LAD1: variants seen among roughly 807,000 people sequenced by gnomAD.
LAD1 encodes the protein ladinin 1, also known as ladinin-1.
Under a neutral mutation model 54.2 loss-of-function variants are expected in LAD1, and 53 were observed. The observed-to-expected ratio is 0.98, with a 90% CI of 0.78 to 1.23. The LOEUF (loss-of-function observed/expected upper bound fraction) is 1.23. Among genes scored for constraint, LAD1 ranks in the 50% most tolerant of loss-of-function variants. The pLI is 0.00. For missense variants in LAD1, 637 were observed against 653.3 expected (o/e 0.98, Z 0.27); for synonymous variants, 231 against 257.7 (o/e 0.90, Z 0.99).
chr1:201,385,630 G>T, intron 4 of LAD1, 71 bp downstream of exon 4: 3 of 1,131,202 alleles, frequency 2.7e-6, no homozygotes, highest in Non-Finnish European at 4.1e-6. Context: ...CGGCTCCTAT[G>T]TTGTAATGGA....
intron 3 of LAD1, 129 bp downstream of exon 3, chr1:201,386,206 C>T (rs1174383216): frequency 2.1e-6 from 2 of 971,176 alleles, no homozygotes; most frequent in Non-Finnish European, 2.8e-6. Flanking sequence ...AAAGAAGAGA[C>T]TTCCAAGGCC....
intron 1 of LAD1, chr1:201,391,275 C>A (rs960688558): frequency 5.0e-6 from 2 of 401,708 alleles, no homozygotes; most frequent in East Asian, 1.4e-4. Context: ...CTGCCCCAGT[C>A]ACCCTTCATT....
chr1:201,389,205 G>C lies in LAD1; in HGVS notation c.137C>G (p.Pro46Arg). The C allele has an allele frequency of 1.2e-6, 2 of 1,614,220 alleles. No individual in the cohort carries two copies. The highest frequency in any genetic ancestry group is 1.7e-6 in the Non-Finnish European group (2 of 1,180,042). Residue 46 changes from proline (P) to arginine (R), a missense_variant, in exon 2 of 10, where the codon CCC becomes CGC. Pro to Arg is a moderately radical substitution (Grantham distance 103). Coordinates refer to ENST00000391967, the MANE Select transcript of LAD1 (RefSeq NM_005558.4). ...CCGGTCTCCATTCTGGCTGAGCCTG[G>C]GAGCCTCATCGTCCGTGGTGGAGCT... ...NLSSTTDDEA[P>R]RLSQNGDRQA...
chr1:201,398,809 CCCCT>C (rs1662346198), intron 1 of LAD1, among the ~76,000 whole-genome samples: 1 of 152,216 alleles, frequency 6.6e-6, no homozygotes, highest in East Asian at 1.9e-4. Flanking sequence ...TCTTCACTGA[CCCCT>C]CCAAGACGGC....
chr1:201,383,992 T>A (rs1169395497), intron 5 of LAD1, among the ~76,000 whole-genome samples: 1 of 152,228 alleles, frequency 6.6e-6, no homozygotes, highest in Admixed American at 6.5e-5. Flanking sequence ...AATTGCTCCA[T>A]GACACCTTCC....
At position 201,384,824 on chromosome 1, in the gene LAD1, C is replaced by T; in HGVS notation, c.1143G>A (p.Lys381=). The part of the protein sequence containing the change: ...PRTISFRMKP[K]KENSETTLTR... Reference sequence around the variant, plus strand: ...TTAGGGTTGTTTCCGAGTTTTCTTTCTTGGGTTTCATCTGAAATGAGAAGG... The same window carrying T: ...TTAGGGTTGTTTCCGAGTTTTCTTTTTTGGGTTTCATCTGAAATGAGAAGG... Residue 381 remains lysine, a synonymous_variant, in exon 5 of 10, where the codon AAG becomes AAA. Transcript: ENST00000391967. The T allele has an allele frequency of 6.2e-7, 1 of 1,614,034 alleles. No homozygotes were observed. Among genetic ancestry groups the T allele is most frequent in the Non-Finnish European group, 8.5e-7 (1 of 1,180,030 alleles).
chr1:201,391,091 T>C (rs932232331), intron 1 of LAD1: 3 of 456,306 alleles, frequency 6.6e-6, no homozygotes, highest in Non-Finnish European at 1.3e-5. Flanking sequence ...TGGAAAAAAC[T>C]CCAATATCGC....
chr1:201,390,007 C>A lies in LAD1; in HGVS notation c.39-704G>T, dbSNP rs142197687. Among the ~76,000 whole-genome samples the A allele has an allele frequency of 4.4e-3, 669 of 151,944 alleles. 5 individuals carry two copies. Among genetic ancestry groups the A allele is most frequent in the African/African-American group, 0.015 (633 of 41,486 alleles). On this transcript the variant is annotated intron_variant, in intron 1 of 9. Transcript: ENST00000391967. Reference sequence around the variant, plus strand: ...CAATCACAGCTCACTGCAGCCCCAACCTCCCAGGCTCAAGTGATCCTCCCA... The same window carrying A: ...CAATCACAGCTCACTGCAGCCCCAAACTCCCAGGCTCAAGTGATCCTCCCA...
In LAD1 at chr1:201,381,805, G is replaced by A. The variant is rs1661966179; in HGVS notation, c.*83C>T. On this transcript the variant is annotated 3_prime_UTR_variant, in exon 10 of 10. Transcript: ENST00000391967. ...AGGGAACAGGGACAATGAGAGGAAA[G>A]GGTGCTGCTGTGAGAGGCAGGGGCC... The A allele has an allele frequency of 1.4e-6, 2 of 1,404,748 alleles. No individual in the cohort carries two copies. Among genetic ancestry groups the A allele is most frequent in the Admixed American group, 3.3e-5 (2 of 59,716 alleles). The allele number at this position is 1,404,748 out of a possible 1,614,324, so 87.0% of individuals were successfully genotyped here.
Position 201,381,586 on chromosome 1 carries a change from G to A in LAD1, c.*302C>T, listed in dbSNP as rs1661960242. Reference sequence around the variant, plus strand: ...AGCAGGAAGGAGCAGAGGTCTCTGGGCAGGACATAGGCCCCATAGTGCTGA... The same window carrying A: ...AGCAGGAAGGAGCAGAGGTCTCTGGACAGGACATAGGCCCCATAGTGCTGA... On this transcript the variant is annotated 3_prime_UTR_variant, in exon 10 of 10. Coordinates refer to ENST00000391967, the MANE Select transcript of LAD1 (RefSeq NM_005558.4). 6 of 494,730 alleles carry A rather than the reference G, an allele frequency of 1.2e-5. No homozygotes were observed. The highest frequency in any genetic ancestry group is 1.8e-5 in the Non-Finnish European group (5 of 271,422). The allele number at this position is 494,730 out of a possible 1,614,324, so 30.6% of individuals were successfully genotyped here. A position where few individuals can be genotyped will look rare whatever the true frequency, so the allele number is the denominator to read the frequency against.
At chr1:201,398,985 A>G (rs1007455734) in intron 1 of LAD1, among the ~76,000 whole-genome samples, 2 of 152,006 alleles carry the variant, frequency 1.3e-5, no homozygotes, top group Admixed American at 1.3e-4. Context: ...TCCTGCTTCC[A>G]CCTTCCACAG....
intron 4 of LAD1, 49 bp from the exon 5 acceptor site, chr1:201,384,884 G>A (rs538260459): frequency 1.2e-5 from 19 of 1,595,202 alleles, no homozygotes; most frequent in Middle Eastern, 2.0e-4. Context: ...CCGGGAAATC[G>A]GTGGCCCCCT....
Position 201,382,324 on chromosome 1 carries a change from C to T in LAD1, c.1476G>A (p.Glu492=), listed in dbSNP as rs201418734. 2.7e-5 allele frequency: 43 copies of T among 1,612,990 alleles called. No individual in the cohort carries two copies. In the East Asian group the frequency reaches 9.1e-4, roughly 34 times the overall value. The change falls in exon 9 of 10, where the codon GAG becomes GAA. Residue 492 remains glutamate, a splice_region_variant and synonymous_variant. Coordinates refer to ENST00000391967, the MANE Select transcript of LAD1 (RefSeq NM_005558.4). The part of the protein sequence containing the change: ...TQESGDQDPQ[E]AQKASSATER... ...CGGTTGCAGATGATGCTTTCTGTGCCTCCTGATTGAGGGTATCAGGGTGGA... is the reference window on the plus strand; with the variant it reads ...CGGTTGCAGATGATGCTTTCTGTGCTTCCTGATTGAGGGTATCAGGGTGGA...
chr1:201,392,310 TG>T (rs1179201747), intron 1 of LAD1, among the ~76,000 whole-genome samples: 1 of 152,224 alleles, frequency 6.6e-6, no homozygotes. Context: ...TGGGAACAGC[TG>T]GGAATGAGAC....
chr1:201,383,693 C>CA (rs1202921803), intron 5 of LAD1: 1 of 415,360 alleles, frequency 2.4e-6, no homozygotes, highest in East Asian at 5.5e-5. Context: ...CCCATCACAG[C>CA]AATCGCCACT....
intron 3 of LAD1, 135 bp downstream of exon 3, chr1:201,386,200 A>T: frequency 1.1e-6 from 1 of 899,692 alleles, no homozygotes; most frequent in Non-Finnish European, 1.6e-6. Context: ...GCAGGGAAAG[A>T]AGAGACTTCC....
chr1:201,385,684 G>T lies in LAD1; in HGVS notation c.1131+17C>A, dbSNP rs748371113. ...GCCCTCCAGTGGCTCGCAGACCAGGGTGCCCAGGGCTCTCACCCGAAAGGA... is the reference window on the plus strand; with the variant it reads ...GCCCTCCAGTGGCTCGCAGACCAGGTTGCCCAGGGCTCTCACCCGAAAGGA... On this transcript the variant is annotated intron_variant, in intron 4 of 9. Coordinates refer to ENST00000391967, the MANE Select transcript of LAD1 (RefSeq NM_005558.4). 2 of 1,585,390 alleles carry T rather than the reference G, an allele frequency of 1.3e-6. No individual in the cohort carries two copies. The highest frequency in any genetic ancestry group is 1.7e-6 in the Non-Finnish European group (2 of 1,153,972).
intron 5 of LAD1, among the ~76,000 whole-genome samples, chr1:201,384,305 C>T (rs1435872283): frequency 1.3e-5 from 2 of 152,098 alleles, no homozygotes; most frequent in Non-Finnish European, 2.9e-5. Flanking sequence ...AATACATAAG[C>T]ACATCTGCTT....
intron 5 of LAD1, chr1:201,383,650 A>C: frequency 2.0e-6 from 1 of 504,414 alleles, no homozygotes; most frequent in South Asian, 2.1e-5. Context: ...ACTGCAAAAC[A>C]CCTCCCAAAG....
Sources: allele counts gnomAD v4.1 joint callset (sites outside exome capture counted in the v4.1 genomes callset), GRCh38; gene constraint gnomAD v4.1.1; transcripts MANE v1.5; gene names NCBI Gene and HGNC (gene_info 2026-07-23, HGNC 2026-07-21).